The following WDR36 variants were observed in gnomAD, a reference collection of about 807,000 sequenced individuals.
WDR36 encodes the protein WD repeat-containing protein 36.
WDR36 carries 63 observed loss-of-function variants against 112.7 expected under a neutral mutation model. The observed-to-expected ratio is 0.56, with a 90% CI of 0.46 to 0.69. WDR36 has a LOEUF of 0.69. Ranked by LOEUF, WDR36 falls within the 30% of genes least tolerant of loss-of-function variation. The pLI is 0.00. For missense variants in WDR36, 1,226 were observed against 1,070.3 expected, an observed-to-expected ratio of 1.15 and a Z score of -2.03; for synonymous variants, 410 against 362.2, an observed-to-expected ratio of 1.13 and a Z score of -1.50.
chr5:111,097,358 A>G (rs531651561), intron 3 of WDR36, among the ~76,000 whole-genome samples, 179 bp downstream of exon 3: 48 of 152,174 alleles, frequency 3.2e-4, no homozygotes, highest in Non-Finnish European at 5.6e-4. Context: ...CTTACTTAAA[A>G]CTGGTGCTTT....
At chr5:111,098,341 A>T (rs965380240) in intron 3 of WDR36, among the ~76,000 whole-genome samples, 2 of 152,144 alleles carry the variant, frequency 1.3e-5, no homozygotes, top group Non-Finnish European at 2.9e-5. Context: ...CCAGTTGGTG[A>T]TGGAGTCTTT....
chr5:111,105,217 AATTTT>A, intron 9 of WDR36, 73 bp from the exon 10 acceptor site: 2 of 1,457,666 alleles, frequency 1.4e-6, no homozygotes, highest in South Asian at 2.3e-5. Flanking sequence ...TTTCAAATTG[AATTTT>A]ATAAAATTTG....
At chr5:111,116,028 C>T (rs1022229597) in intron 16 of WDR36, among the ~76,000 whole-genome samples, 3 of 151,666 alleles carry the variant, frequency 2.0e-5, no homozygotes, top group African/African-American at 7.3e-5. Context: ...GTGCAACCAC[C>T]GTCTCCCAGG....
At position 111,127,003 on chromosome 5, in the gene WDR36, A is replaced by AGTGC; in HGVS notation, c.*120_*121insGTGC. On this transcript the variant is annotated 3_prime_UTR_variant, in exon 23 of 23. Transcript: ENST00000513710. ...ATGCTAGCACTACTGACTAGTCAGT[A>AGTGC]TATCTCCACTTTAAATGCTAAATAC... is the stretch of plus-strand genomic sequence containing the variant. 3.2e-6 allele frequency: 3 copies of AGTGC among 950,088 alleles called. No homozygotes were observed. The highest frequency in any genetic ancestry group is 4.6e-6 in the Non-Finnish European group (3 of 652,884). The allele number at this position is 950,088 out of a possible 1,614,324, so 58.9% of individuals were successfully genotyped here.
intron 1 of WDR36, among the ~76,000 whole-genome samples, chr5:111,094,639 A>T (rs1752938844): frequency 6.6e-6 from 1 of 152,212 alleles, no homozygotes; most frequent in Non-Finnish European, 1.5e-5. Context: ...AGAAGTGAGT[A>T]GTTGGCAACA....
In WDR36 at chr5:111,100,718, C is replaced by G. The variant is rs751885428; in HGVS notation, c.539C>G (p.Ser180Cys). 6.2e-7 allele frequency: 1 copy of G among 1,608,052 alleles called. No individual in the cohort carries two copies. The highest frequency in any genetic ancestry group is 8.5e-7 in the Non-Finnish European group (1 of 1,176,114). The change falls in exon 5 of 23, where the codon TCC (serine) becomes TGC (cysteine). Residue 180 changes from serine to cysteine, a missense_variant. By Grantham distance (112) the Ser-to-Cys change is moderately radical. Transcript: ENST00000513710. Reference sequence around the variant, plus strand: ...AGCCTGCAGTTGTGGAATGTAAAATCCAAGTAAGTATTTTAGTTAGAAAAT... The same window carrying G: ...AGCCTGCAGTTGTGGAATGTAAAATGCAAGTAAGTATTTTAGTTAGAAAAT... Reference protein sequence around the residue: ...QGSLQLWNVKSNKLLYTFPGW... With the variant: ...QGSLQLWNVKCNKLLYTFPGW...
intron 8 of WDR36, 147 bp downstream of exon 8, chr5:111,104,499 C>T: frequency 1.4e-6 from 2 of 1,384,028 alleles, no homozygotes; most frequent in Non-Finnish European, 1.0e-6. Flanking sequence ...AAAAGCACAG[C>T]AGGTGACATG....
intron 4 of WDR36, among the ~76,000 whole-genome samples, chr5:111,100,060 T>G (rs926889148): frequency 2.7e-5 from 3 of 110,502 alleles, no homozygotes; most frequent in Non-Finnish European, 4.2e-5. Flanking sequence ...GGGTTATACG[T>G]TTTTTTTTTC....
intron 1 of WDR36, among the ~76,000 whole-genome samples, chr5:111,093,182 C>T (rs1450666745): frequency 6.6e-6 from 1 of 152,206 alleles, no homozygotes; most frequent in Non-Finnish European, 1.5e-5. Context: ...TACCGTAGCA[C>T]CTTTATATAA....
chr5:111,114,943 G>A (rs907294729), intron 16 of WDR36, among the ~76,000 whole-genome samples: 2 of 152,048 alleles, frequency 1.3e-5, no homozygotes, highest in Admixed American at 1.3e-4. Flanking sequence ...TTCGTCTTTG[G>A]AATGAAAAAA....
rs865825935 is a variant in WDR36, at chr5:111,107,175, A to G, written c.1181-119A>G. 43 of 1,139,998 alleles carry G rather than the reference A, an allele frequency of 3.8e-5. No individual in the cohort carries two copies. In the African/African-American group the frequency reaches 5.4e-4, roughly 14 times the overall value. 70.6% of individuals were successfully genotyped at this position (1,139,998 alleles called of 1,614,324 possible). A position where few individuals can be genotyped will look rare whatever the true frequency, so the allele number is the denominator to read the frequency against. ...TAGATTGGAAACATATTGCTATCAG[A>G]TATTACCTGTTTGTTTTACCATTGT... On this transcript the variant is annotated intron_variant, in intron 11 of 22. Coordinates refer to ENST00000513710, the MANE Select transcript of WDR36 (RefSeq NM_139281.3).
At position 111,113,052 on chromosome 5, in the gene WDR36, ATTTTT is replaced by A; in HGVS notation, c.1717-14_1717-10del. The A allele has an allele frequency of 4.2e-6, 2 of 472,686 alleles. No individual in the cohort carries two copies. Among genetic ancestry groups the A allele is most frequent in the Non-Finnish European group, 6.1e-6 (2 of 326,962 alleles). 29.3% of individuals were successfully genotyped at this position (472,686 alleles called of 1,614,324 possible). ...ATATAAATAATATATATATATATAT[ATTTTT>A]TTTTTTTAATTTAAAGGCTTTTAGT... On this transcript the variant is annotated splice_polypyrimidine_tract_variant and intron_variant, in intron 15 of 22. Transcript: ENST00000513710.
intron 4 of WDR36, among the ~76,000 whole-genome samples, chr5:111,099,895 C>G (rs1254501799): frequency 6.6e-6 from 1 of 151,976 alleles, no homozygotes; most frequent in Non-Finnish European, 1.5e-5. Context: ...CACAAATTTA[C>G]TGGAAAATAG....
chr5:111,124,301 A>C (rs1336945495), intron 21 of WDR36, 112 bp downstream of exon 21: 6 of 933,902 alleles, frequency 6.4e-6, no homozygotes, highest in Non-Finnish European at 9.2e-6. Context: ...GTAAAAATCA[A>C]AAAGATTGAA....
chr5:111,102,358 A>G lies in WDR36; in HGVS notation c.556A>G (p.Thr186Ala), dbSNP rs1166826108. 3.1e-6 allele frequency: 5 copies of G among 1,610,234 alleles called. No individual in the cohort carries two copies. The highest frequency in any genetic ancestry group is 1.7e-5 in the Admixed American group (1 of 59,696). The change falls in exon 6 of 23, where the codon ACA (threonine) becomes GCA (alanine). Residue 186 changes from threonine to alanine, a missense_variant. Coordinates refer to ENST00000513710, the MANE Select transcript of WDR36 (RefSeq NM_139281.3). ...WNVKSNKLLYTFPGWKVGVTA... is the reference protein window; with the variant it reads ...WNVKSNKLLYAFPGWKVGVTA... Reference sequence around the variant, plus strand: ...TTCTTCTTGTAGTAAACTTCTATATACATTTCCAGGATGGAAAGTTGGAGT... The same window carrying G: ...TTCTTCTTGTAGTAAACTTCTATATGCATTTCCAGGATGGAAAGTTGGAGT...
At chr5:111,119,314 G>T (rs1217518033) in intron 17 of WDR36, among the ~76,000 whole-genome samples, 194 bp downstream of exon 17, 1 of 152,172 alleles carries the variant, frequency 6.6e-6, no homozygotes, top group African/African-American at 2.4e-5. Flanking sequence ...CTTTGCTGAA[G>T]TATATTCTAA....
At chr5:111,118,696 C>T (rs936844175) in intron 16 of WDR36, among the ~76,000 whole-genome samples, 1 of 151,958 alleles carries the variant, frequency 6.6e-6, no homozygotes, top group Non-Finnish European at 1.5e-5. Context: ...GAATTGTCTC[C>T]AAGTCAGTCT....
At position 111,092,565 on chromosome 5, in the gene WDR36, A is replaced by G; in HGVS notation, c.109A>G (p.Lys37Glu). 6.2e-7 allele frequency: 1 copy of G among 1,614,206 alleles called. No homozygotes were observed. The highest frequency in any genetic ancestry group is 1.1e-5 in the South Asian group (1 of 91,092). Reference sequence around the variant, plus strand: ...ACACGTGGTGCGGTTCAGCGCGCTCAAGCGCCGGTTCTATGTAACAACCTG... The same window carrying G: ...ACACGTGGTGCGGTTCAGCGCGCTCGAGCGCCGGTTCTATGTAACAACCTG... ...IPHVVRFSAL[K>E]RRFYVTTCVG... is the part of the protein sequence containing the mutation. Residue 37 changes from lysine to glutamate, a missense_variant, in exon 1 of 23, where the codon AAG (lysine) becomes GAG (glutamate). Coordinates refer to ENST00000513710, the MANE Select transcript of WDR36 (RefSeq NM_139281.3).
chr5:111,129,532 C>A lies in WDR36; in HGVS notation c.*2649C>A, dbSNP rs1753745362. On this transcript the variant is annotated 3_prime_UTR_variant, in exon 23 of 23. Coordinates refer to ENST00000513710, the MANE Select transcript of WDR36 (RefSeq NM_139281.3). ...GAACATATAAACATTTGTTAATTTT[C>A]TTTTTCCTCTCATTTTTCTATTGAA... 5.0e-6 allele frequency: 1 copy of A among 198,820 alleles called. No homozygotes were observed. The highest frequency in any genetic ancestry group is 1.0e-5 in the Non-Finnish European group (1 of 96,290). The allele number at this position is 198,820 out of a possible 1,614,324, so 12.3% of individuals were successfully genotyped here.
Sources: gnomAD v4.1 joint callset for allele counts (sites outside exome capture counted in the v4.1 genomes callset) on GRCh38, gnomAD v4.1.1 for gene constraint, MANE v1.5 for transcripts, NCBI Gene and HGNC (gene_info 2026-07-23, HGNC 2026-07-21) for gene names.